SLC25A26: variants seen among roughly 807,000 people sequenced by gnomAD.
The protein encoded by SLC25A26 is solute carrier family 25 member 26.
Under a neutral mutation model 37.8 loss-of-function variants are expected in SLC25A26, and 36 were observed. The observed-to-expected ratio is 0.95, with a 90% CI of 0.73 to 1.26. The LOEUF is 1.26. SLC25A26 is among the 50% of genes most tolerant of loss of function. The pLI is 0.00. For missense variants in SLC25A26, 390 were observed against 331.1 expected (o/e 1.18, Z -1.38); for synonymous variants, 129 against 122.5 (o/e 1.05, Z -0.35).
intron 1 of SLC25A26, among the ~76,000 whole-genome samples, chr3:66,209,765 G>C (rs1267302233): frequency 7.8e-6 from 1 of 128,156 alleles, no homozygotes; most frequent in Non-Finnish European, 1.6e-5. Flanking sequence ...ACTTTTATAG[G>C]TATATCTATA....
chr3:66,218,859 C>A (rs924969596), upstream of SLC25A26, among the ~76,000 whole-genome samples: 195 of 152,328 alleles, frequency 1.3e-3, 1 homozygote, highest in African/African-American at 4.5e-3. Flanking sequence ...GGAATTGGAT[C>A]CTGCGGTCAT....
At chr3:66,263,506 A>G (rs1442813132) in intron 5 of SLC25A26, 127 bp downstream of exon 5, 13 of 662,248 alleles carry the variant, frequency 2.0e-5, no homozygotes, top group Non-Finnish European at 3.5e-5. Flanking sequence ...AAGGGAAATT[A>G]TCGTCACTCT....
chr3:66,282,826 T>C (rs1225320974), intron 5 of SLC25A26, among the ~76,000 whole-genome samples: 1 of 152,170 alleles, frequency 6.6e-6, no homozygotes, highest in East Asian at 1.9e-4. Flanking sequence ...CAAAGTCCCT[T>C]CTGCTAGCCG....
intron 5 of SLC25A26, among the ~76,000 whole-genome samples, chr3:66,263,630 G>A (rs901517857): frequency 1.3e-5 from 2 of 151,918 alleles, no homozygotes; most frequent in Non-Finnish European, 2.9e-5. Context: ...TTATTCTAGG[G>A]TGGCTAAATG....
At chr3:66,317,113 C>G (rs1444738308) in intron 5 of SLC25A26, among the ~76,000 whole-genome samples, 1 of 152,172 alleles carries the variant, frequency 6.6e-6, no homozygotes, top group Non-Finnish European at 1.5e-5. Context: ...GTCAATTCAC[C>G]CATCTCAAGC....
At chr3:66,134,257 G>C (rs2069913779) in intron 1 of SLC25A26, among the ~76,000 whole-genome samples, 1 of 152,160 alleles carries the variant, frequency 6.6e-6, no homozygotes, top group Non-Finnish European at 1.5e-5. Context: ...CCCTTATTTT[G>C]TAATGTTAGC....
chr3:66,298,026 G>A (rs1410356266), intron 5 of SLC25A26, among the ~76,000 whole-genome samples: 3 of 152,086 alleles, frequency 2.0e-5, no homozygotes, highest in Non-Finnish European at 4.4e-5. Context: ...GTCCCTCCAC[G>A]AATAGCAGCT....
At chr3:66,358,731 A>G (rs148662362) in intron 6 of SLC25A26, among the ~76,000 whole-genome samples, 1,866 of 152,272 alleles carry the variant, frequency 0.012, 21 homozygotes, top group Non-Finnish European at 0.021. Flanking sequence ...GCCTCAAGTG[A>G]TCCTCCCATC....
At chr3:66,228,440 T>C (rs2071860184) in intron 1 of SLC25A26, among the ~76,000 whole-genome samples, 1 of 152,226 alleles carries the variant, frequency 6.6e-6, no homozygotes, top group Non-Finnish European at 1.5e-5. Context: ...TCTTTTGTAA[T>C]ACAGACAAAA....
intron 4 of SLC25A26, 54 bp from the exon 5 acceptor site, chr3:66,263,278 C>T: frequency 7.4e-7 from 1 of 1,344,298 alleles, no homozygotes; most frequent in Non-Finnish European, 1.1e-6. Context: ...TACAGAATGT[C>T]CTTCAGAAAT....
intron 5 of SLC25A26, among the ~76,000 whole-genome samples, chr3:66,322,834 G>T (rs1454574551): frequency 6.6e-6 from 1 of 152,208 alleles, no homozygotes; most frequent in East Asian, 1.9e-4. Flanking sequence ...GAAGACCACA[G>T]ATCATTGATA....
At chr3:66,282,159 C>T (rs1456621262) in intron 5 of SLC25A26, among the ~76,000 whole-genome samples, 1 of 151,960 alleles carries the variant, frequency 6.6e-6, no homozygotes, top group Non-Finnish European at 1.5e-5. Flanking sequence ...CTACAGGCGC[C>T]TGCCACCGCG....
intron 5 of SLC25A26, among the ~76,000 whole-genome samples, chr3:66,325,311 T>G (rs2075809835): frequency 1.3e-5 from 2 of 152,160 alleles, no homozygotes; most frequent in African/African-American, 4.8e-5. Flanking sequence ...TTTTGTAGAT[T>G]GATTGATGGA....
At chr3:66,139,198 C>G (rs139018197) in intron 1 of SLC25A26, among the ~76,000 whole-genome samples, 1 of 152,244 alleles carries the variant, frequency 6.6e-6, no homozygotes, top group East Asian at 1.9e-4. Context: ...CCACCCCGCC[C>G]ACCTCCTTGA....
intron 5 of SLC25A26, among the ~76,000 whole-genome samples, chr3:66,297,448 C>G (rs551060276): frequency 6.6e-6 from 1 of 151,770 alleles, no homozygotes; most frequent in African/African-American, 2.4e-5. Context: ...GTAATGCATT[C>G]CATTTGTGGC....
At chr3:66,315,730 T>C (rs542127178) in intron 5 of SLC25A26, among the ~76,000 whole-genome samples, 2 of 152,332 alleles carry the variant, frequency 1.3e-5, no homozygotes, top group East Asian at 1.9e-4. Context: ...TCTCCCACTA[T>C]ACTTGTGTGG....
chr3:66,187,549 C>A (rs1217301733), intron 1 of SLC25A26, among the ~76,000 whole-genome samples: 3 of 152,130 alleles, frequency 2.0e-5, no homozygotes, highest in Middle Eastern at 3.4e-3. Context: ...CTGACTCTAC[C>A]CTTACCCTGG....
intron 1 of SLC25A26, among the ~76,000 whole-genome samples, chr3:66,232,238 A>G (rs141489005): frequency 1.7e-4 from 26 of 152,140 alleles, no homozygotes; most frequent in Non-Finnish European, 1.3e-4. Flanking sequence ...TTTTTTTCTA[A>G]TTGGGAAAAC....
At chr3:66,290,418 T>A (rs968767957) in intron 5 of SLC25A26, among the ~76,000 whole-genome samples, 4 of 152,212 alleles carry the variant, frequency 2.6e-5, no homozygotes, top group African/African-American at 9.6e-5. Context: ...TGCTTCCAGC[T>A]TTTGGTCATT....
Sources: allele counts gnomAD v4.1 joint callset (sites outside exome capture counted in the v4.1 genomes callset), GRCh38; gene constraint gnomAD v4.1.1; transcripts MANE v1.5; gene names NCBI Gene and HGNC (gene_info 2026-07-23, HGNC 2026-07-21).